The following DEPTOR variants were observed in gnomAD, a reference collection of about 807,000 sequenced individuals.
DEPTOR encodes the protein DEP domain containing MTOR interacting protein.
A neutral mutation model predicts 41.6 loss-of-function variants in DEPTOR; 41 were observed. The observed-to-expected ratio is 0.98, with a 90% CI of 0.77 to 1.28. DEPTOR has a LOEUF of 1.28. DEPTOR is among the 50% of genes most tolerant of loss of function. The probability of loss-of-function intolerance (pLI) is 0.00; values close to 1 mark genes in which losing one functional copy is unlikely to be tolerated. For missense variants in DEPTOR, 514 were observed against 527.9 expected (o/e 0.97, Z 0.26); for synonymous variants, 195 against 192.3 (o/e 1.01, Z -0.12).
chr8:119,876,512 C>A (rs7003126), intron 1 of DEPTOR, among the ~76,000 whole-genome samples: 1 of 151,694 alleles, frequency 6.6e-6, no homozygotes, highest in African/African-American at 2.4e-5. Flanking sequence ...GTGGTGCATG[C>A]TTGTAATCCT....
intron 1 of DEPTOR, among the ~76,000 whole-genome samples, chr8:119,884,799 T>G (rs949340148): frequency 6.0e-5 from 9 of 151,068 alleles, no homozygotes; most frequent in Non-Finnish European, 1.0e-4. Flanking sequence ...TTGCAACCTC[T>G]GCTCCCAGGG....
At chr8:119,941,007 A>G (rs1296547239) in intron 3 of DEPTOR, among the ~76,000 whole-genome samples, 2 of 152,108 alleles carry the variant, frequency 1.3e-5, no homozygotes, top group African/African-American at 4.8e-5. Context: ...GGAAGATGAA[A>G]AAGTTGTGGA....
At chr8:119,978,031 T>C (rs1828718217) in intron 4 of DEPTOR, among the ~76,000 whole-genome samples, 2 of 152,116 alleles carry the variant, frequency 1.3e-5, no homozygotes, top group Non-Finnish European at 2.9e-5. Context: ...AGAATCTTTG[T>C]CCATTGTATA....
At chr8:119,902,241 A>T (rs561812204) in intron 1 of DEPTOR, among the ~76,000 whole-genome samples, 2 of 152,234 alleles carry the variant, frequency 1.3e-5, no homozygotes, top group African/African-American at 2.4e-5. Flanking sequence ...GGAATAAAAA[A>T]TATGCTAAGT....
chr8:119,905,577 T>C (rs1179108722), intron 1 of DEPTOR, among the ~76,000 whole-genome samples: 1 of 152,088 alleles, frequency 6.6e-6, no homozygotes, highest in African/African-American at 2.4e-5. Flanking sequence ...GCCCATCTCT[T>C]ATCTGTAAAA....
rs141163359 is a variant in DEPTOR, at chr8:119,978,172, A to T, written c.604+12762A>T. Among the ~76,000 whole-genome samples the T allele has an allele frequency of 2.3e-3, 350 of 152,240 alleles. 1 individual carries two copies. Among genetic ancestry groups the T allele is most frequent in the African/African-American group, 8.1e-3 (336 of 41,538 alleles). ...GAGGTCCTCACTTTGCCCAAGCATGATCTTTTACAACAGCACACAGAAGTC... is the reference window on the plus strand; with the variant it reads ...GAGGTCCTCACTTTGCCCAAGCATGTTCTTTTACAACAGCACACAGAAGTC... On this transcript the variant is annotated intron_variant, in intron 4 of 8. Transcript: ENST00000286234.
intron 3 of DEPTOR, among the ~76,000 whole-genome samples, chr8:119,961,947 CAA>C (rs1828497758): frequency 6.6e-6 from 1 of 151,844 alleles, no homozygotes; most frequent in African/African-American, 2.4e-5. Flanking sequence ...TTTAATTTAA[CAA>C]AGTTTTATGG....
intron 4 of DEPTOR, among the ~76,000 whole-genome samples, chr8:119,982,872 C>T (rs1339475702): frequency 3.3e-5 from 5 of 152,184 alleles, no homozygotes. Flanking sequence ...CACATGGTCA[C>T]CCCATGCTGG....
intron 1 of DEPTOR, among the ~76,000 whole-genome samples, chr8:119,906,988 T>TG (rs1293738682): frequency 6.6e-6 from 1 of 152,152 alleles, no homozygotes; most frequent in Non-Finnish European, 1.5e-5. Flanking sequence ...ACTGTCAACA[T>TG]GGTAAATAGC....
At chr8:119,924,370 G>A (rs576038593) in intron 1 of DEPTOR, among the ~76,000 whole-genome samples, 1 of 137,682 alleles carries the variant, frequency 7.3e-6, no homozygotes, top group Non-Finnish European at 1.6e-5. Flanking sequence ...CATTTCAACT[G>A]TCCCTAATCA....
At chr8:119,897,782 A>G (rs1182830351) in intron 1 of DEPTOR, among the ~76,000 whole-genome samples, 1 of 152,140 alleles carries the variant, frequency 6.6e-6, no homozygotes, top group African/African-American at 2.4e-5. Context: ...GGCGTGAGCC[A>G]CCACGCCTGG....
At chr8:119,888,467 G>A (rs1314357886) in intron 1 of DEPTOR, among the ~76,000 whole-genome samples, 2 of 152,146 alleles carry the variant, frequency 1.3e-5, no homozygotes, top group Non-Finnish European at 2.9e-5. Context: ...AAAGGGCTCT[G>A]TCTTCCTGTT....
intron 2 of DEPTOR, among the ~76,000 whole-genome samples, chr8:119,929,082 T>C (rs1828006323): frequency 6.6e-6 from 1 of 152,260 alleles, no homozygotes; most frequent in South Asian, 2.1e-4. Flanking sequence ...TGCTGTTGTA[T>C]AATACATATG....
intron 1 of DEPTOR, among the ~76,000 whole-genome samples, chr8:119,891,616 C>T (rs12681623): frequency 0.5 from 75,365 of 151,990 alleles, 20,399 homozygotes; most frequent in East Asian, 0.92. Flanking sequence ...AAACCATTCC[C>T]TTACTTGGAA....
At chr8:120,049,517 A>G (rs1813200336) in intron 8 of DEPTOR, 59 bp from the exon 9 acceptor site, 1 of 1,583,122 alleles carries the variant, frequency 6.3e-7, no homozygotes, top group Admixed American at 1.7e-5. Context: ...GTCTTTATTA[A>G]AGCTTTGTGC....
intron 4 of DEPTOR, among the ~76,000 whole-genome samples, chr8:119,972,240 C>T (rs1034266110): frequency 6.6e-6 from 1 of 152,150 alleles, no homozygotes; most frequent in Non-Finnish European, 1.5e-5. Context: ...TTACTATATC[C>T]CAGCCACTGT....
In DEPTOR at chr8:120,006,792, G is replaced by A; in HGVS notation, c.926-13G>A. 6.2e-7 allele frequency: 1 copy of A among 1,613,698 alleles called. No homozygotes were observed. Among genetic ancestry groups the A allele is most frequent in the Non-Finnish European group, 8.5e-7 (1 of 1,179,714 alleles). ...GGAAGTGCTTATGTCTTGACATTGTGTTTGTCTGCCAGTGCTGAAGAGACC... is the reference window on the plus strand; with the variant it reads ...GGAAGTGCTTATGTCTTGACATTGTATTTGTCTGCCAGTGCTGAAGAGACC... On this transcript the variant is annotated splice_polypyrimidine_tract_variant and intron_variant, in intron 6 of 8. Coordinates refer to ENST00000286234, the MANE Select transcript of DEPTOR (RefSeq NM_022783.4).
intron 8 of DEPTOR, among the ~76,000 whole-genome samples, chr8:120,011,275 A>T (rs7829279): frequency 3.3e-5 from 5 of 152,102 alleles, no homozygotes; most frequent in African/African-American, 1.2e-4. Context: ...CACTCATGTC[A>T]GGGAGGCACA....
intron 1 of DEPTOR, among the ~76,000 whole-genome samples, chr8:119,924,788 G>T (rs764257134): frequency 4.4e-4 from 67 of 151,876 alleles, no homozygotes; most frequent in Non-Finnish European, 4.7e-4. Flanking sequence ...TTTGTTACAT[G>T]AATAAACTGC....
Sources: allele counts gnomAD v4.1 joint callset (sites outside exome capture counted in the v4.1 genomes callset), GRCh38; gene constraint gnomAD v4.1.1; transcripts MANE v1.5; gene names NCBI Gene and HGNC (gene_info 2026-07-23, HGNC 2026-07-21).